KIF6: variants seen among roughly 807,000 people sequenced by gnomAD.
The protein encoded by KIF6 is kinesin family member 6, also known as kinesin-like protein KIF6.
A neutral mutation model predicts 112.7 loss-of-function variants in KIF6; 106 were observed. The ratio of observed to expected loss-of-function variants is 0.94; its 90% CI spans 0.80 to 1.11. The LOEUF is 1.11. Among genes scored for constraint, KIF6 ranks in the 50% least tolerant of loss-of-function variants. The pLI, the probability that KIF6 is intolerant of heterozygous loss-of-function variation, is 0.00. For synonymous variants in KIF6, 339 were observed against 339.9 expected, an observed-to-expected ratio of 1.00 and a Z score of 0.03; for missense variants, 929 against 964.0, an observed-to-expected ratio of 0.96 and a Z score of 0.48.
intron 5 of KIF6, among the ~76,000 whole-genome samples, chr6:39,621,440 T>C (rs575528657): frequency 1.3e-5 from 2 of 152,314 alleles, no homozygotes; most frequent in Non-Finnish European, 2.9e-5. Flanking sequence ...CCTCCCGCCA[T>C]GTGCTAGCAG....
At chr6:39,514,983 T>A (rs1776992192) in intron 13 of KIF6, among the ~76,000 whole-genome samples, 1 of 152,236 alleles carries the variant, frequency 6.6e-6, no homozygotes, top group Admixed American at 6.5e-5. Flanking sequence ...TGTGATGAAG[T>A]AGACCTATAA....
chr6:39,357,261 T>G lies in KIF6; in HGVS notation c.2180+16A>C, dbSNP rs1562126491. The G allele has an allele frequency of 8.6e-5, 135 of 1,565,708 alleles. No individual in the cohort carries two copies. The highest frequency in any genetic ancestry group is 1.0e-4 in the Non-Finnish European group (117 of 1,139,480). ...TTTCTGGGAACTCTAACACCTCCGGTGAGTTCTCACCTTACCTTTTGTTAG... is the reference window on the plus strand; with the variant it reads ...TTTCTGGGAACTCTAACACCTCCGGGGAGTTCTCACCTTACCTTTTGTTAG... On this transcript the variant is annotated intron_variant, in intron 19 of 22. Coordinates refer to ENST00000287152, the MANE Select transcript of KIF6 (RefSeq NM_145027.6).
rs527288808 is a variant in KIF6, at chr6:39,526,001, A to G, written c.1645+14002T>C. On this transcript the variant is annotated intron_variant, in intron 13 of 22. Coordinates refer to ENST00000287152, the MANE Select transcript of KIF6 (RefSeq NM_145027.6). ...CTCATTTGTTTTGTTGAAAATAAAC[A>G]AACAAGCAAATAACACAATACAAGC... Among the ~76,000 whole-genome samples the G allele has an allele frequency of 6.6e-5, 10 of 152,280 alleles. No individual in the cohort carries two copies. In the East Asian group the frequency reaches 1.5e-3, roughly 24 times the overall value.
intron 3 of KIF6, among the ~76,000 whole-genome samples, chr6:39,641,698 G>C (rs1784910573): frequency 6.6e-6 from 1 of 151,512 alleles, no homozygotes; most frequent in Non-Finnish European, 1.5e-5. Flanking sequence ...AAAAACTACA[G>C]AGCACAAATT....
At chr6:39,553,378 A>C (rs1367943149) in intron 10 of KIF6, among the ~76,000 whole-genome samples, 1 of 152,218 alleles carries the variant, frequency 6.6e-6, no homozygotes, top group East Asian at 1.9e-4. Context: ...AGTACCTCAA[A>C]TGCAGAAATG....
intron 13 of KIF6, among the ~76,000 whole-genome samples, chr6:39,432,912 T>C (rs781684669): frequency 4.6e-5 from 7 of 151,618 alleles, no homozygotes; most frequent in Middle Eastern, 3.2e-3. Flanking sequence ...TTGGGGGATC[T>C]CCAAATTGCT....
At chr6:39,601,993 T>C (rs956622466) in intron 6 of KIF6, among the ~76,000 whole-genome samples, 1 of 152,138 alleles carries the variant, frequency 6.6e-6, no homozygotes, top group Non-Finnish European at 1.5e-5. Flanking sequence ...CAAGTACTTT[T>C]ATTACCTTCA....
At chr6:39,579,151 A>G (rs1203101397) in intron 9 of KIF6, among the ~76,000 whole-genome samples, 2 of 152,184 alleles carry the variant, frequency 1.3e-5, no homozygotes, top group African/African-American at 2.4e-5. Context: ...TTTATTATAT[A>G]TTGTTAAATT....
At chr6:39,608,241 G>C (rs1783002586) in intron 6 of KIF6, among the ~76,000 whole-genome samples, 1 of 152,044 alleles carries the variant, frequency 6.6e-6, no homozygotes, top group Non-Finnish European at 1.5e-5. Flanking sequence ...TTATGACATG[G>C]GGTTATGTTC....
At chr6:39,498,563 G>T (rs1267057478) in intron 13 of KIF6, among the ~76,000 whole-genome samples, 4 of 152,106 alleles carry the variant, frequency 2.6e-5, no homozygotes, top group African/African-American at 4.8e-5. Flanking sequence ...TATGGTCAGT[G>T]TTGCATCTAC....
intron 13 of KIF6, among the ~76,000 whole-genome samples, chr6:39,460,718 G>A (rs1416684683): frequency 6.6e-6 from 1 of 152,008 alleles, no homozygotes; most frequent in Non-Finnish European, 1.5e-5. Flanking sequence ...AATTCTATAT[G>A]CAGCTAAATT....
intron 13 of KIF6, among the ~76,000 whole-genome samples, chr6:39,515,110 A>G (rs1776998703): frequency 6.6e-6 from 1 of 152,242 alleles, no homozygotes; most frequent in South Asian, 2.1e-4. Flanking sequence ...GTGGATCAGA[A>G]TGAGGTAAGG....
intron 16 of KIF6, among the ~76,000 whole-genome samples, chr6:39,382,372 G>C (rs901111768): frequency 6.6e-6 from 1 of 152,062 alleles, no homozygotes; most frequent in Non-Finnish European, 1.5e-5. Context: ...CTTTATGTCT[G>C]TGTGAACTCA....
chr6:39,568,585 T>C (rs1169739065), intron 10 of KIF6, among the ~76,000 whole-genome samples: 1 of 151,914 alleles, frequency 6.6e-6, no homozygotes, highest in Non-Finnish European at 1.5e-5. Context: ...AGTCTTGCTC[T>C]TGTCACCCAG....
chr6:39,619,149 A>G (rs962038858), intron 5 of KIF6, among the ~76,000 whole-genome samples: 2 of 152,228 alleles, frequency 1.3e-5, no homozygotes, highest in Non-Finnish European at 2.9e-5. Flanking sequence ...CTAACAAATA[A>G]AATACTTTAT....
At chr6:39,628,703 T>A (rs1034254327) in intron 5 of KIF6, among the ~76,000 whole-genome samples, 1 of 152,170 alleles carries the variant, frequency 6.6e-6, no homozygotes, top group African/African-American at 2.4e-5. Flanking sequence ...ATAGTTTACA[T>A]CAGGGTTCAT....
chr6:39,670,023 G>A (rs1786706274), intron 3 of KIF6, among the ~76,000 whole-genome samples: 2 of 152,180 alleles, frequency 1.3e-5, no homozygotes, highest in South Asian at 4.1e-4. Flanking sequence ...AAAGCTACCA[G>A]GCATCAATTC....
chr6:39,518,318 T>C (rs1227413983), intron 13 of KIF6, among the ~76,000 whole-genome samples: 1 of 152,168 alleles, frequency 6.6e-6, no homozygotes, highest in Non-Finnish European at 1.5e-5. Context: ...CATGAAAGTA[T>C]GTACACACAC....
intron 15 of KIF6, among the ~76,000 whole-genome samples, chr6:39,405,694 G>A (rs957367035): frequency 6.6e-5 from 10 of 152,104 alleles, no homozygotes; most frequent in Non-Finnish European, 1.5e-4. Flanking sequence ...GGATAATACT[G>A]GCCTAATAAA....
Sources: gnomAD v4.1 joint callset for allele counts (sites outside exome capture counted in the v4.1 genomes callset) on GRCh38, gnomAD v4.1.1 for gene constraint, MANE v1.5 for transcripts, NCBI Gene and HGNC (gene_info 2026-07-23, HGNC 2026-07-21) for gene names.